Variants in CFAP54 observed in about 807,000 individuals in gnomAD.
CFAP54 encodes cilia and flagella associated protein 54, also known as cilia- and flagella-associated protein 54.
In CFAP54, 290 loss-of-function variants were observed where a neutral mutation model predicts 370.4. That is an observed-to-expected ratio of 0.78 (90% confidence interval 0.71 to 0.86). CFAP54 has a LOEUF of 0.86. Ranked by LOEUF, CFAP54 falls within the 40% of genes least tolerant of loss-of-function variation. The probability of loss-of-function intolerance (pLI) is 0.00; values close to 1 mark genes in which losing one functional copy is unlikely to be tolerated. For synonymous variants in CFAP54, 1,206 were observed against 1,236.5 expected, an observed-to-expected ratio of 0.98 and a Z score of 0.52; for missense variants, 3,399 against 3,528.7, an observed-to-expected ratio of 0.96 and a Z score of 0.93.
chr12:96,705,306 C>T (rs1024267108), intron 47 of CFAP54, among the ~76,000 whole-genome samples: 2 of 151,740 alleles, frequency 1.3e-5, no homozygotes, highest in African/African-American at 4.8e-5. Context: ...TTTTGTCTTC[C>T]ATAATTTTAA....
intron 59 of CFAP54, 26 bp downstream of exon 59, chr12:96,764,275 T>G: frequency 6.6e-7 from 1 of 1,517,566 alleles, no homozygotes; most frequent in Non-Finnish European, 9.1e-7. Context: ...GTTTAATCTT[T>G]CTTCTTACTG....
chr12:96,675,565 T>G (rs544161338), intron 39 of CFAP54, among the ~76,000 whole-genome samples: 67 of 152,332 alleles, frequency 4.4e-4, no homozygotes, highest in African/African-American at 1.6e-3. Flanking sequence ...AAATACCATT[T>G]GACCCAGCCA....
chr12:96,656,122 T>TA (rs985885782), intron 36 of CFAP54, among the ~76,000 whole-genome samples: 7 of 152,162 alleles, frequency 4.6e-5, no homozygotes, highest in Non-Finnish European at 1.0e-4. Context: ...AAAAAGTTTT[T>TA]AAAAAATCAC....
At chr12:96,874,943 G>A (rs1220892202) in intron 67 of CFAP54, among the ~76,000 whole-genome samples, 175 bp from the exon 68 acceptor site, 1 of 152,012 alleles carries the variant, frequency 6.6e-6, no homozygotes, top group Non-Finnish European at 1.5e-5. Context: ...TAAAGTTTTG[G>A]TTTGATGATG....
At chr12:96,539,652 A>G (rs12310275) in intron 13 of CFAP54, among the ~76,000 whole-genome samples, 141,177 of 152,010 alleles carry the variant, frequency 0.93, 65,601 homozygotes, top group East Asian at 1. Flanking sequence ...TCTAGCCTGG[A>G]CAACAGAGTG....
rs1555335184 is a variant in CFAP54, at chr12:96,805,582, A to AC, written c.8851-6154_8851-6153insC. ...CTATTATTAAAAAGTCAAAAAAAAA[A>AC]AAACCAGATATTGGCAAGAATGTGG... On this transcript the variant is annotated intron_variant, in intron 63 of 67. Coordinates refer to ENST00000524981, the MANE Select transcript of CFAP54 (RefSeq NM_001306084.2). Among the ~76,000 whole-genome samples, 40 of 151,814 alleles carry AC rather than the reference A, an allele frequency of 2.6e-4. 1 individual carries two copies. Among genetic ancestry groups the AC allele is most frequent in the Admixed American group, 2.4e-3 (37 of 15,216 alleles).
chr12:96,835,646 G>A (rs758989602), intron 66 of CFAP54, among the ~76,000 whole-genome samples: 17 of 152,146 alleles, frequency 1.1e-4, no homozygotes, highest in Non-Finnish European at 2.1e-4. Context: ...AAGACTTCCC[G>A]GGCCCCCAAG....
intron 3 of CFAP54, among the ~76,000 whole-genome samples, chr12:96,505,076 C>CT (rs59074848): frequency 0.012 from 1,263 of 109,772 alleles, 15 homozygotes; most frequent in African/African-American, 0.039. Context: ...TTCTTTTCTT[C>CT]TTTTTTTTTT....
intron 42 of CFAP54, among the ~76,000 whole-genome samples, chr12:96,685,571 A>G (rs976739788): frequency 6.9e-6 from 1 of 144,968 alleles, no homozygotes; most frequent in African/African-American, 2.6e-5. Context: ...TTTTTTTTTG[A>G]GACGGAGTCT....
At chr12:96,696,938 AAT>A (rs1957444395) in intron 45 of CFAP54, among the ~76,000 whole-genome samples, 1 of 152,224 alleles carries the variant, frequency 6.6e-6, no homozygotes, top group Non-Finnish European at 1.5e-5. Flanking sequence ...ATCAAAGAGC[AAT>A]AATAGATCAC....
chr12:96,743,610 G>C (rs755211088), intron 53 of CFAP54, 51 bp downstream of exon 53: 1 of 1,606,520 alleles, frequency 6.2e-7, no homozygotes, highest in Non-Finnish European at 8.5e-7. Context: ...ATTCCAGTTA[G>C]AACAAAAGGA....
chr12:96,633,719 C>T lies in CFAP54; in HGVS notation c.4316+3068C>T, dbSNP rs375150558. Among the ~76,000 whole-genome samples, 7 of 152,254 alleles carry T rather than the reference C, an allele frequency of 4.6e-5. No individual in the cohort carries two copies. The East Asian group carries it at 7.7e-4, about 17-fold the overall frequency. The stretch of plus-strand genomic sequence containing the variant: ...TTGTTTCTAATCCAATAGCATTTGA[C>T]TATTAGGAATAATGCTGTGATGAAC... On this transcript the variant is annotated intron_variant, in intron 32 of 67. Transcript: ENST00000524981.
intron 11 of CFAP54, among the ~76,000 whole-genome samples, chr12:96,535,158 T>G (rs908177064): frequency 6.6e-6 from 1 of 151,960 alleles, no homozygotes; most frequent in African/African-American, 2.4e-5. Context: ...TCCTGGGTTC[T>G]CCTGCCTCAG....
chr12:96,811,143 T>G (rs931796471), intron 63 of CFAP54, among the ~76,000 whole-genome samples: 1 of 152,282 alleles, frequency 6.6e-6, no homozygotes, highest in African/African-American at 2.4e-5. Flanking sequence ...ATCTCTAAGC[T>G]TCTGTGACTC....
At chr12:96,616,251 C>G (rs1351551234) in intron 26 of CFAP54, among the ~76,000 whole-genome samples, 1 of 152,108 alleles carries the variant, frequency 6.6e-6, no homozygotes, top group African/African-American at 2.4e-5. Context: ...TCTCAGCAAA[C>G]TATCCCAAAG....
At chr12:96,699,215 A>G (rs1957466809) in intron 45 of CFAP54, among the ~76,000 whole-genome samples, 1 of 152,208 alleles carries the variant, frequency 6.6e-6, no homozygotes, top group Admixed American at 6.5e-5. Context: ...TTGGTTGCGG[A>G]CAGCCAATTT....
intron 50 of CFAP54, among the ~76,000 whole-genome samples, chr12:96,732,457 C>T (rs1374429997): frequency 1.3e-5 from 2 of 151,928 alleles, no homozygotes; most frequent in Non-Finnish European, 2.9e-5. Context: ...TTTTATTAAA[C>T]AAGACATTAA....
intron 19 of CFAP54, among the ~76,000 whole-genome samples, chr12:96,568,692 T>C (rs997565652): frequency 6.6e-6 from 1 of 152,186 alleles, no homozygotes; most frequent in Non-Finnish European, 1.5e-5. Flanking sequence ...TCACCTGATA[T>C]CATAAAAAGG....
intron 67 of CFAP54, among the ~76,000 whole-genome samples, chr12:96,870,434 G>A (rs1191701943): frequency 2.0e-5 from 3 of 152,172 alleles, no homozygotes; most frequent in East Asian, 1.9e-4. Context: ...CTATGACATC[G>A]GATAGTCCTG....
Sources: gnomAD v4.1 joint callset for allele counts (sites outside exome capture counted in the v4.1 genomes callset) on GRCh38, gnomAD v4.1.1 for gene constraint, MANE v1.5 for transcripts, NCBI Gene and HGNC (gene_info 2026-07-23, HGNC 2026-07-21) for gene names.